Variants in BACH2 observed in about 807,000 individuals in gnomAD.
The protein encoded by BACH2 is BACH transcriptional regulator 2.
BACH2 carries 5 observed loss-of-function variants against 61.8 expected under a neutral mutation model. The observed-to-expected ratio is 0.08, with a 90% CI of 0.04 to 0.17. The LOEUF is 0.17. BACH2 is among the 10% of genes least tolerant of loss of function. The probability of loss-of-function intolerance (pLI) is 1.00; values close to 1 mark genes in which losing one functional copy is unlikely to be tolerated. For synonymous variants in BACH2, 446 were observed against 440.1 expected (o/e 1.01, Z -0.17); for missense variants, 824 against 1,091.1 (o/e 0.76, Z 3.45).
chr6:90,107,370 C>CA lies in BACH2; in HGVS notation c.-161-18262dup, dbSNP rs542795445. 7.4e-3 allele frequency among the ~76,000 whole-genome samples: 1,074 copies of CA among 145,098 alleles called. 8 individuals are homozygous for CA. The highest frequency in any genetic ancestry group is 0.02 in the African/African-American group (785 of 39,394). ...CTGGAGACAGAGCAAGACTCTGTCT[C>CA]AAAAAAAAACAAAAAAACAAAACAA... On this transcript the variant is annotated intron_variant, in intron 4 of 8. Coordinates refer to ENST00000257749, the MANE Select transcript of BACH2 (RefSeq NM_021813.4).
intron 5 of BACH2, among the ~76,000 whole-genome samples, chr6:90,044,571 T>C (rs1005587672): frequency 2.6e-5 from 4 of 151,992 alleles, no homozygotes; most frequent in Non-Finnish European, 5.9e-5. Flanking sequence ...ATATGGAAAA[T>C]GGGTTGCTGT....
At chr6:89,954,194 A>G (rs891503893) in intron 6 of BACH2, among the ~76,000 whole-genome samples, 5 of 152,180 alleles carry the variant, frequency 3.3e-5, no homozygotes, top group Non-Finnish European at 7.4e-5. Context: ...GCCAGTTGCC[A>G]AAAGGGTGGA....
intron 3 of BACH2, among the ~76,000 whole-genome samples, chr6:90,244,438 C>G (rs1024533216): frequency 6.6e-6 from 1 of 152,186 alleles, no homozygotes; most frequent in Non-Finnish European, 1.5e-5. Flanking sequence ...CAAGCAGAAA[C>G]TCTGCTGTGA....
intron 4 of BACH2, among the ~76,000 whole-genome samples, chr6:90,092,291 A>AAAAAAAAAATATATATATATATATATAT: frequency 8.8e-6 from 1 of 113,840 alleles, no homozygotes; most frequent in African/African-American, 3.6e-5. Flanking sequence ...AAAAAAAAAA[A>AAAAAAAAAATATATATATATATATATAT]ATATATATAT....
chr6:90,081,848 T>C (rs1781739131), intron 5 of BACH2, among the ~76,000 whole-genome samples: 2 of 152,194 alleles, frequency 1.3e-5, no homozygotes, highest in Non-Finnish European at 2.9e-5. Context: ...TGGTTTTCTT[T>C]CAGTGCTCAA....
At chr6:90,110,965 A>C (rs1783141826) in intron 4 of BACH2, among the ~76,000 whole-genome samples, 1 of 152,220 alleles carries the variant, frequency 6.6e-6, no homozygotes. Context: ...TGCTTCATAC[A>C]GGATATTCTG....
In BACH2 at chr6:89,951,129, G is replaced by A. The variant is rs1562319287; in HGVS notation, c.977C>T (p.Ala326Val). ...GCTCCTGGATCTCTCCAGGCAGGCG[G>A]CCCCAGCTGGGGCCGTGGGGGTAGG... ...PAPTPTAPAGAACLERSRSVA... is the reference protein window; with the variant it reads ...PAPTPTAPAGVACLERSRSVA... Residue 326 changes from alanine (A) to valine (V), a missense_variant, in exon 7 of 9, where the codon GCC (alanine) becomes GTC (valine). Around this residue, in one of 8 missense-constraint regions of BACH2, gnomAD observed 226 missense variants for 228.5 expected, o/e 0.99. Coordinates refer to ENST00000257749, the MANE Select transcript of BACH2 (RefSeq NM_021813.4). The surrounding 1 kb of genome is among the most constrained non-coding windows in gnomAD (Gnocchi z 6.4). 1 of 1,611,032 alleles carries A rather than the reference G, an allele frequency of 6.2e-7. No individual in the cohort carries two copies. The highest frequency in any genetic ancestry group is 1.1e-5 in the South Asian group (1 of 90,568).
chr6:89,983,701 T>G (rs1387374478), intron 6 of BACH2, among the ~76,000 whole-genome samples: 2 of 152,074 alleles, frequency 1.3e-5, no homozygotes, highest in African/African-American at 4.8e-5. Flanking sequence ...AAAAGTCAGT[T>G]CCTTAGTCAC....
At chr6:89,998,107 T>G (rs1776948948) in intron 6 of BACH2, among the ~76,000 whole-genome samples, 1 of 152,244 alleles carries the variant, frequency 6.6e-6, no homozygotes, top group African/African-American at 2.4e-5. Flanking sequence ...ATTGTGACCT[T>G]CTGTATCCTT....
chr6:90,018,864 A>G (rs1464020887), intron 5 of BACH2, among the ~76,000 whole-genome samples: 1 of 152,238 alleles, frequency 6.6e-6, no homozygotes, highest in African/African-American at 2.4e-5. Flanking sequence ...ACGGGGTAAG[A>G]TCGAGTTCAC....
intron 5 of BACH2, among the ~76,000 whole-genome samples, chr6:90,080,527 CAG>C (rs1781681047): frequency 6.6e-6 from 1 of 152,096 alleles, no homozygotes; most frequent in South Asian, 2.1e-4. Flanking sequence ...GCCAGGGGCA[CAG>C]AGAAGATAGA....
intron 1 of BACH2, among the ~76,000 whole-genome samples, chr6:90,279,466 T>C (rs948047058): frequency 1.4e-5 from 2 of 145,494 alleles, no homozygotes; most frequent in Admixed American, 7.2e-5. Flanking sequence ...GAGGTTGCAG[T>C]GAGCCGAGAT....
chr6:90,084,538 GTTT>G (rs58667089), intron 5 of BACH2, among the ~76,000 whole-genome samples: 3 of 138,676 alleles, frequency 2.2e-5, no homozygotes, highest in African/African-American at 5.3e-5. Flanking sequence ...TTTAATTCCA[GTTT>G]TTTTTTTTTT....
chr6:90,260,782 A>C (rs1771131788), intron 2 of BACH2, among the ~76,000 whole-genome samples: 1 of 152,244 alleles, frequency 6.6e-6, no homozygotes, highest in Non-Finnish European at 1.5e-5. Flanking sequence ...AAGCCACAGA[A>C]TGTGGGAGGT....
At chr6:90,075,176 C>T (rs73497194) in intron 5 of BACH2, among the ~76,000 whole-genome samples, 2,693 of 152,178 alleles carry the variant, frequency 0.018, 71 homozygotes, top group African/African-American at 0.062. Context: ...GCACATACTA[C>T]CATTAAAGTA....
At chr6:90,122,245 C>T (rs913256147) in intron 4 of BACH2, among the ~76,000 whole-genome samples, 5 of 152,312 alleles carry the variant, frequency 3.3e-5, no homozygotes, top group South Asian at 4.1e-4. Flanking sequence ...GACCAGACAT[C>T]GGCAAAGTAT....
intron 3 of BACH2, among the ~76,000 whole-genome samples, chr6:90,225,618 G>T (rs533033851): frequency 5.9e-5 from 9 of 152,120 alleles, no homozygotes; most frequent in Non-Finnish European, 7.3e-5. Flanking sequence ...CTGTTAGAGG[G>T]GGGTGGGGAG....
intron 2 of BACH2, among the ~76,000 whole-genome samples, chr6:90,269,201 C>A (rs1262194106): frequency 6.6e-6 from 1 of 151,894 alleles, no homozygotes; most frequent in East Asian, 1.9e-4. Context: ...CTACTCCGTG[C>A]AGATTCTATT....
At chr6:90,102,410 G>C (rs1782674397) in intron 4 of BACH2, among the ~76,000 whole-genome samples, 1 of 152,116 alleles carries the variant, frequency 6.6e-6, no homozygotes, top group African/African-American at 2.4e-5. Context: ...ACAGGGTCTG[G>C]CCTCGCCATT....
Sources: gnomAD v4.1 joint callset for allele counts (sites outside exome capture counted in the v4.1 genomes callset) on GRCh38, gnomAD v4.1.1 for gene constraint, gnomAD v4.1.1 regional missense constraint, Gnocchi (gnomAD v3.1) non-coding constraint, MANE v1.5 for transcripts, NCBI Gene and HGNC (gene_info 2026-07-23, HGNC 2026-07-21) for gene names.